The following ABCD2 variants were observed in gnomAD, a reference collection of about 807,000 sequenced individuals.
ABCD2 encodes the protein ATP binding cassette subfamily D member 2.
Under a neutral mutation model 70.9 loss-of-function variants are expected in ABCD2, and 36 were observed. That is an observed-to-expected ratio of 0.51 (90% CI 0.39 to 0.67). ABCD2 has a LOEUF of 0.67. Ranked by LOEUF, ABCD2 falls within the 30% of genes least tolerant of loss-of-function variation. The pLI is 0.00. For missense variants in ABCD2, 729 were observed against 890.2 expected, an observed-to-expected ratio of 0.82 and a Z score of 2.30; for synonymous variants, 304 against 306.9, an observed-to-expected ratio of 0.99 and a Z score of 0.10.
At chr12:39,583,208 T>C (rs1036015241) in intron 7 of ABCD2, among the ~76,000 whole-genome samples, 1 of 152,190 alleles carries the variant, frequency 6.6e-6, no homozygotes, top group Non-Finnish European at 1.5e-5. Context: ...ATGTTTTACA[T>C]ACAGTCTTAT....
At chr12:39,542,254 G>C in the ABCD2 span, among the ~76,000 whole-genome samples, 1 of 152,152 alleles carries the variant, frequency 6.6e-6, no homozygotes, top group Non-Finnish European at 1.5e-5. Context: ...ATGAGGTCTG[G>C]AGATCTAGGC....
Position 39,619,702 on chromosome 12 carries a change from T to A in ABCD2, c.-87A>T. 1 of 1,164,316 alleles carries A rather than the reference T, an allele frequency of 8.6e-7. No homozygotes were observed. Among genetic ancestry groups the A allele is most frequent in the Non-Finnish European group, 1.2e-6 (1 of 835,950 alleles). 72.1% of individuals were successfully genotyped at this position (1,164,316 alleles called of 1,614,324 possible). A position where few individuals can be genotyped will look rare whatever the true frequency, so the allele number is the denominator to read the frequency against. On this transcript the variant is annotated 5_prime_UTR_variant, in exon 1 of 10. Transcript: ENST00000308666. ...AATCCCCAGCAAATGTTTTAGAAAG[T>A]CCTACAGCGTCCCATAGTCTGCAGC...
In ABCD2 at chr12:39,586,192, T is replaced by G; in HGVS notation, c.1752A>C (p.Leu584=). 1 of 1,613,494 alleles carries G rather than the reference T, an allele frequency of 6.2e-7. No individual in the cohort carries two copies. The highest frequency in any genetic ancestry group is 8.5e-7 in the Non-Finnish European group (1 of 1,179,580). ...CTATGTGATAGAGATGGACATTGTG[T>G]AGGATACGTTCCAGATCTTGGTCTG... ...GYTDQDLERI[L]HNVHLYHIVQ... Residue 584 remains leucine (L), a synonymous_variant, in exon 7 of 10, where the codon CTA becomes CTC. Coordinates refer to ENST00000308666, the MANE Select transcript of ABCD2 (RefSeq NM_005164.4).
intron 2 of ABCD2, among the ~76,000 whole-genome samples, chr12:39,613,012 A>G (rs1291596935): frequency 6.6e-6 from 1 of 152,150 alleles, no homozygotes; most frequent in Non-Finnish European, 1.5e-5. Flanking sequence ...TGACAGAGTA[A>G]CCTCATAGCT....
chr12:39,618,639 G>A, intron 1 of ABCD2, 38 bp downstream of exon 1: 1 of 1,568,406 alleles, frequency 6.4e-7, no homozygotes, highest in East Asian at 2.2e-5. Flanking sequence ...AACTTGAACA[G>A]TTTCACATTT....
the ABCD2 span, among the ~76,000 whole-genome samples, chr12:39,538,548 G>A: frequency 9.9e-5 from 15 of 152,000 alleles, no homozygotes; most frequent in Admixed American, 9.2e-4. Context: ...TGTTCAAGAC[G>A]CCAAGAACCT....
chr12:39,592,451 A>T (rs532515158), intron 6 of ABCD2, among the ~76,000 whole-genome samples: 1 of 152,296 alleles, frequency 6.6e-6, no homozygotes, highest in Admixed American at 6.5e-5. Flanking sequence ...TTATTGCACA[A>T]TTACAATATA....
intron 6 of ABCD2, among the ~76,000 whole-genome samples, chr12:39,591,767 G>A (rs1450958751): frequency 6.6e-6 from 1 of 152,022 alleles, no homozygotes; most frequent in Non-Finnish European, 1.5e-5. Flanking sequence ...TTGCTAAGCT[G>A]TTAAAAATGC....
At chr12:39,607,810 A>G (rs1941991220) in intron 2 of ABCD2, 96 bp from the exon 3 acceptor site, 2 of 787,326 alleles carry the variant, frequency 2.5e-6, no homozygotes, top group Non-Finnish European at 4.1e-6. Context: ...TGTGGCTAAA[A>G]CAACCACATA....
Position 39,551,411 on chromosome 12 carries a change from T to C in ABCD2, c.*2501A>G, listed in dbSNP as rs186633085. 28 of 151,830 alleles carry C rather than the reference T, an allele frequency of 1.8e-4. No individual in the cohort carries two copies. The highest frequency in any genetic ancestry group is 3.7e-4 in the Non-Finnish European group (25 of 67,662). The allele number at this position is 151,830 out of a possible 1,614,324, so 9.4% of individuals were successfully genotyped here. ...CTTTCCTCATCTATCCCTTGCTGTA[T>C]TCAAAAATGGCTAGTTTCTCAGTCT... is the stretch of plus-strand genomic sequence containing the variant. On this transcript the variant is annotated 3_prime_UTR_variant, in exon 10 of 10. Transcript: ENST00000308666.
chr12:39,619,535 C>T lies in ABCD2; in HGVS notation c.81G>A (p.Val27=), dbSNP rs1345197999. 6 of 1,611,744 alleles carry T rather than the reference C, an allele frequency of 3.7e-6. No individual in the cohort carries two copies. The Admixed American group carries it at 1.0e-4, about 27-fold the overall frequency. ...GGGTTTTCAGAGCATATGCCGCAGC[C>T]ACCAGGCAGGCAGCCCTCTTAGCAG... ...SSAAKRAACL[V]AAAYALKTLY... Residue 27 remains valine, a synonymous_variant, in exon 1 of 10, where the codon GTG becomes GTA. Transcript: ENST00000308666.
At chr12:39,611,569 A>G (rs1171084765) in intron 2 of ABCD2, among the ~76,000 whole-genome samples, 1 of 152,154 alleles carries the variant, frequency 6.6e-6, no homozygotes, top group African/African-American at 2.4e-5. Flanking sequence ...GTGACTGAAG[A>G]TCTAAATGTG....
intron 5 of ABCD2, among the ~76,000 whole-genome samples, chr12:39,603,254 ATTATG>A (rs1442948431): frequency 6.6e-6 from 1 of 152,138 alleles, no homozygotes; most frequent in Non-Finnish European, 1.5e-5. Flanking sequence ...AACTTGCTAT[ATTATG>A]TCATTAATGC....
the ABCD2 span, among the ~76,000 whole-genome samples, chr12:39,544,715 T>C: frequency 6.6e-6 from 1 of 152,160 alleles, no homozygotes; most frequent in Non-Finnish European, 1.5e-5. Flanking sequence ...TGGATCGCTC[T>C]GGCTTCTTCC....
In ABCD2 at chr12:39,618,959, T is replaced by C. The variant is rs1415986080; in HGVS notation, c.657A>G (p.Gln219=). 6.2e-7 allele frequency: 1 copy of C among 1,614,232 alleles called. No homozygotes were observed. The highest frequency in any genetic ancestry group is 1.1e-5 in the South Asian group (1 of 91,084). The change falls in exon 1 of 10, where the codon CAA becomes CAG. Residue 219 remains glutamine, a synonymous_variant. Transcript: ENST00000308666. ...SLTEDIMMFS[Q]SVAHLYSNLT... ...GATTGGAATACAAGTGAGCCACAGA[T>C]TGGGAGAACATCATAATATCCTCCG... is the stretch of plus-strand genomic sequence containing the variant.
Position 39,553,693 on chromosome 12 carries a change from C to T in ABCD2, c.*219G>A, listed in dbSNP as rs1432502836. The T allele has an allele frequency of 6.2e-6, 3 of 486,242 alleles. No homozygotes were observed. Among genetic ancestry groups the T allele is most frequent in the Admixed American group, 3.7e-5 (1 of 26,694 alleles). The allele number at this position is 486,242 out of a possible 1,614,324, so 30.1% of individuals were successfully genotyped here. On this transcript the variant is annotated 3_prime_UTR_variant, in exon 10 of 10. Coordinates refer to ENST00000308666, the MANE Select transcript of ABCD2 (RefSeq NM_005164.4). Reference sequence around the variant, plus strand: ...GTTTTACAAGTGCATTAGGCCTTCACTAGGAATTAGTATAAGTCATAATGA... The same window carrying T: ...GTTTTACAAGTGCATTAGGCCTTCATTAGGAATTAGTATAAGTCATAATGA...
chr12:39,557,529 A>C (rs57618346), intron 9 of ABCD2, among the ~76,000 whole-genome samples: 6,756 of 152,290 alleles, frequency 0.044, 488 homozygotes, highest in African/African-American at 0.15. Flanking sequence ...AATTTGCATA[A>C]GTAATGAGGA....
At chr12:39,579,684 T>C in intron 7 of ABCD2, 65 bp from the exon 8 acceptor site, 1 of 1,257,516 alleles carries the variant, frequency 8.0e-7, no homozygotes, top group Non-Finnish European at 1.1e-6. Flanking sequence ...ATTTCTACCC[T>C]AGACAAGTGA....
chr12:39,578,660 A>G (rs993829955), intron 8 of ABCD2, among the ~76,000 whole-genome samples: 2 of 151,178 alleles, frequency 1.3e-5, no homozygotes, highest in African/African-American at 2.4e-5. Flanking sequence ...TCAAAAGGCT[A>G]TGAAGCTGGT....
Sources: gnomAD v4.1 joint callset for allele counts (sites outside exome capture counted in the v4.1 genomes callset) on GRCh38, gnomAD v4.1.1 for gene constraint, MANE v1.5 for transcripts, NCBI Gene and HGNC (gene_info 2026-07-23, HGNC 2026-07-21) for gene names.